Variants in LTBP1 observed in about 807,000 individuals in gnomAD.
LTBP1 encodes latent-transforming growth factor beta-binding protein 1.
A neutral mutation model predicts 207.6 loss-of-function variants in LTBP1; 129 were observed. The observed-to-expected ratio is 0.62, with a 90% CI of 0.54 to 0.72. The LOEUF (loss-of-function observed/expected upper bound fraction) is 0.72. Among genes scored for constraint, LTBP1 ranks in the 30% least tolerant of loss-of-function variants. LTBP1 has a pLI of 0.00. For synonymous variants in LTBP1, 963 were observed against 833.7 expected, an observed-to-expected ratio of 1.16 and a Z score of -2.67; for missense variants, 2,281 against 2,217.2, an observed-to-expected ratio of 1.03 and a Z score of -0.58.
At chr2:33,229,804 C>T (rs1300916779) in intron 9 of LTBP1, among the ~76,000 whole-genome samples, 1 of 152,152 alleles carries the variant, frequency 6.6e-6, no homozygotes, top group South Asian at 2.1e-4. Flanking sequence ...AACACCAAAT[C>T]CTGGCTTAGG....
chr2:33,273,178 A>G (rs150657198), intron 15 of LTBP1, among the ~76,000 whole-genome samples: 165 of 152,170 alleles, frequency 1.1e-3, no homozygotes, highest in African/African-American at 3.8e-3. Flanking sequence ...TAAATTTTGG[A>G]GGAGATTGGA....
At chr2:33,129,311 A>G (rs1203334348) in intron 4 of LTBP1, among the ~76,000 whole-genome samples, 1 of 152,238 alleles carries the variant, frequency 6.6e-6, no homozygotes, top group African/African-American at 2.4e-5. Flanking sequence ...AGTTCAGGAC[A>G]GGCTCCGGAC....
At chr2:33,258,993 G>A (rs1052118840) in intron 12 of LTBP1, among the ~76,000 whole-genome samples, 1 of 152,172 alleles carries the variant, frequency 6.6e-6, no homozygotes, top group Non-Finnish European at 1.5e-5. Flanking sequence ...AATTTGTTCA[G>A]TATATTGATG....
Position 33,364,266 on chromosome 2 carries a change from A to C in LTBP1, c.4450A>C (p.Asn1484His), listed in dbSNP as rs1391797976. 1 of 1,613,966 alleles carries C rather than the reference A, an allele frequency of 6.2e-7. No individual in the cohort carries two copies. The highest frequency in any genetic ancestry group is 8.5e-7 in the Non-Finnish European group (1 of 1,179,952). The change falls in exon 30 of 34, where the codon AAT (asparagine) becomes CAT (histidine). Residue 1484 changes from asparagine (N) to histidine (H), a missense_variant. Asn to His is a moderately conservative substitution (Grantham distance 68). Transcript: ENST00000404816. Reference sequence around the variant, plus strand: ...TAGTTGTATTGATGGCCAGTGTGTTAATACAGAGGGCTCTTACAACTGCTT... The same window carrying C: ...TAGTTGTATTGATGGCCAGTGTGTTCATACAGAGGGCTCTTACAACTGCTT... ...PSSCIDGQCVNTEGSYNCFCT... is the reference protein window; with the variant it reads ...PSSCIDGQCVHTEGSYNCFCT...
At position 33,182,767 on chromosome 2, in the gene LTBP1, C is replaced by T. The variant is rs959366533; in HGVS notation, c.1202-4089C>T. ...ATATATGTATGTATGTGTACACATA[C>T]ACACACATTGTATTCTAGTATAGAT... On this transcript the variant is annotated intron_variant, in intron 5 of 33. Coordinates refer to ENST00000404816, the MANE Select transcript of LTBP1 (RefSeq NM_206943.4). Among the ~76,000 whole-genome samples, 30 of 146,318 alleles carry T rather than the reference C, an allele frequency of 2.1e-4. 1 individual carries two copies. Among genetic ancestry groups the T allele is most frequent in the African/African-American group, 7.1e-4 (28 of 39,502 alleles).
intron 9 of LTBP1, among the ~76,000 whole-genome samples, chr2:33,242,485 C>T (rs1358273719): frequency 2.0e-5 from 3 of 152,098 alleles, no homozygotes; most frequent in African/African-American, 7.2e-5. Context: ...ACTTGGGTAT[C>T]CCAATGTGAC....
At chr2:33,323,080 G>C (rs1373333111) in intron 24 of LTBP1, among the ~76,000 whole-genome samples, 1 of 152,118 alleles carries the variant, frequency 6.6e-6, no homozygotes, top group Non-Finnish European at 1.5e-5. Context: ...CTCATAAATG[G>C]AAAGTCAAAA....
intron 2 of LTBP1, among the ~76,000 whole-genome samples, chr2:33,002,451 G>C (rs1417624041): frequency 6.6e-6 from 1 of 152,196 alleles, no homozygotes; most frequent in Non-Finnish European, 1.5e-5. Context: ...ACTTCCAGGT[G>C]AGTGTGAGCA....
chr2:33,190,807 C>T (rs1377877841), intron 7 of LTBP1, among the ~76,000 whole-genome samples: 2 of 151,792 alleles, frequency 1.3e-5, no homozygotes, highest in East Asian at 1.9e-4. Flanking sequence ...CCCACAAACA[C>T]AGCCCTCATT....
chr2:33,171,915 G>C (rs927865936), intron 5 of LTBP1, among the ~76,000 whole-genome samples: 3 of 152,122 alleles, frequency 2.0e-5, no homozygotes, highest in Non-Finnish European at 4.4e-5. Flanking sequence ...CTAAGCTTCG[G>C]AAGTGAAGGA....
chr2:33,379,492 G>A (rs1349709157), intron 31 of LTBP1, among the ~76,000 whole-genome samples: 1 of 152,182 alleles, frequency 6.6e-6, no homozygotes, highest in African/African-American at 2.4e-5. Flanking sequence ...TCATAGGCAT[G>A]AGCCACCGTG....
chr2:33,301,719 A>T (rs1340238025), intron 22 of LTBP1, 75 bp downstream of exon 22: 1 of 1,323,390 alleles, frequency 7.6e-7, no homozygotes, highest in Non-Finnish European at 1.0e-6. Flanking sequence ...CTCAGCCTTG[A>T]TCTTTGAACC....
At chr2:33,262,974 T>C in intron 14 of LTBP1, 153 bp downstream of exon 14, 1 of 542,994 alleles carries the variant, frequency 1.8e-6, no homozygotes, top group Non-Finnish European at 3.2e-6. Context: ...AATGTTAGCA[T>C]AATTACAGCA....
At chr2:33,313,772 A>G (rs1229401017) in intron 23 of LTBP1, among the ~76,000 whole-genome samples, 1 of 152,214 alleles carries the variant, frequency 6.6e-6, no homozygotes, top group Non-Finnish European at 1.5e-5. Flanking sequence ...ACAAACATTC[A>G]TAAGACCCTG....
intron 9 of LTBP1, among the ~76,000 whole-genome samples, chr2:33,231,554 T>TCATTAAG (rs1186309913): frequency 6.6e-6 from 1 of 152,174 alleles, no homozygotes; most frequent in East Asian, 1.9e-4. Context: ...CTCTTCTTAA[T>TCATTAAG]GATTACCAAA....
intron 9 of LTBP1, among the ~76,000 whole-genome samples, chr2:33,223,508 T>C (rs775539520): frequency 6.6e-6 from 1 of 152,198 alleles, no homozygotes; most frequent in Non-Finnish European, 1.5e-5. Flanking sequence ...ATCTACATTA[T>C]TTTAGAGTCA....
intron 19 of LTBP1, 36 bp from the exon 20 acceptor site, chr2:33,293,123 CT>C: frequency 1.3e-6 from 2 of 1,592,550 alleles, no homozygotes; most frequent in Admixed American, 1.8e-5. Flanking sequence ...TCTTTTTCTT[CT>C]TTTTTTGTTC....
At position 33,376,451 on chromosome 2, in the gene LTBP1, A is replaced by G. The variant is rs143800709; in HGVS notation, c.4711+10948A>G. Among the ~76,000 whole-genome samples the G allele has an allele frequency of 3.0e-3, 461 of 152,324 alleles. 1 individual carries two copies. Among genetic ancestry groups the G allele is most frequent in the African/African-American group, 0.011 (445 of 41,578 alleles). Reference sequence around the variant, plus strand: ...TTAGGCCAGCTGAGGTTAGTGGCTGAAAAAATTCAGGACCCTGATTGCCAG... The same window carrying G: ...TTAGGCCAGCTGAGGTTAGTGGCTGGAAAAATTCAGGACCCTGATTGCCAG... On this transcript the variant is annotated intron_variant, in intron 31 of 33. Transcript: ENST00000404816.
At position 33,250,463 on chromosome 2, in the gene LTBP1, T is replaced by C. The variant is rs115699395; in HGVS notation, c.2000-2214T>C. Among the ~76,000 whole-genome samples, 884 of 151,952 alleles carry C rather than the reference T, an allele frequency of 5.8e-3. 7 individuals are homozygous for C. Among genetic ancestry groups the C allele is most frequent in the African/African-American group, 0.021 (855 of 41,442 alleles). On this transcript the variant is annotated intron_variant, in intron 10 of 33. Coordinates refer to ENST00000404816, the MANE Select transcript of LTBP1 (RefSeq NM_206943.4). ...AGAACACTGAGGTTTAACAGAGAAGTCACAGGAAACACCTAAGGCAGGGAA... is the reference window on the plus strand; with the variant it reads ...AGAACACTGAGGTTTAACAGAGAAGCCACAGGAAACACCTAAGGCAGGGAA...
Sources: allele counts gnomAD v4.1 joint callset (sites outside exome capture counted in the v4.1 genomes callset), GRCh38; gene constraint gnomAD v4.1.1; transcripts MANE v1.5; gene names NCBI Gene and HGNC (gene_info 2026-07-23, HGNC 2026-07-21).